The following DHRSX variants were observed in gnomAD, a reference collection of about 807,000 sequenced individuals.
DHRSX encodes polyprenol dehydrogenase.
A neutral mutation model predicts 34.0 loss-of-function variants in DHRSX; 31 were observed. The ratio of observed to expected loss-of-function variants is 0.91; its 90% CI spans 0.69 to 1.23. DHRSX has a LOEUF of 1.23. DHRSX is among the 50% of genes most tolerant of loss of function. The probability of loss-of-function intolerance (pLI) is 0.00; values close to 1 mark genes in which losing one functional copy is unlikely to be tolerated. For synonymous variants in DHRSX, 201 were observed against 183.8 expected (o/e 1.09, Z -0.76); for missense variants, 414 against 428.1 (o/e 0.97, Z 0.29).
chrX:2,239,664 G>A (rs1410897182), intron 6 of DHRSX, among the ~76,000 whole-genome samples: 1 of 152,122 alleles, frequency 6.6e-6, no homozygotes, highest in Non-Finnish European at 1.5e-5. Flanking sequence ...ATTTACTCGG[G>A]AGGCTGAGGC....
At chrX:2,469,304 A>G (rs1004451914) in intron 1 of DHRSX, among the ~76,000 whole-genome samples, 50 of 151,302 alleles carry the variant, frequency 3.3e-4, no homozygotes, top group African/African-American at 1.2e-3. Context: ...GACATTCCCT[A>G]AGAATGTGGA....
intron 3 of DHRSX, among the ~76,000 whole-genome samples, chrX:2,353,334 A>C (rs1483904846): frequency 1.3e-5 from 2 of 151,090 alleles, no homozygotes; most frequent in Admixed American, 6.6e-5. Flanking sequence ...TCCAAAGGGG[A>C]GTGGGGAACT....
chrX:2,229,463 G>A (rs1009604006), intron 6 of DHRSX, among the ~76,000 whole-genome samples: 4 of 152,026 alleles, frequency 2.6e-5, no homozygotes, highest in Non-Finnish European at 5.9e-5. Flanking sequence ...TGTACCTGCT[G>A]CTTGCTCCTT....
At chrX:2,388,296 G>A (rs2043295289) in intron 3 of DHRSX, among the ~76,000 whole-genome samples, 1 of 152,120 alleles carries the variant, frequency 6.6e-6, no homozygotes, top group South Asian at 2.1e-4. Context: ...CATACATTGA[G>A]ATCCTCACCC....
intron 3 of DHRSX, among the ~76,000 whole-genome samples, chrX:2,312,893 C>T (rs189641375): frequency 6.6e-6 from 1 of 152,230 alleles, no homozygotes; most frequent in East Asian, 1.9e-4. Flanking sequence ...TTACTGCTGA[C>T]CGCAAGTCTT....
rs2015494216 is a variant in DHRSX at position 2,220,326 on chromosome X, T to C, written c.*715A>G. On this transcript the variant is annotated 3_prime_UTR_variant, in exon 7 of 7. Coordinates refer to ENST00000334651, the MANE Select transcript of DHRSX (RefSeq NM_145177.3). ...TGATCCATAATGACCCATCTCAAAA[T>C]TCTTAATTCTATCTGCAAAGATTCT... is the stretch of plus-strand genomic sequence containing the variant. The C allele has an allele frequency of 6.6e-6, 1 of 152,202 alleles. No individual in the cohort carries two copies. The highest frequency in any genetic ancestry group is 1.5e-5 in the Non-Finnish European group (1 of 68,064). The allele number at this position is 152,202 out of a possible 1,614,324, so 9.4% of individuals were successfully genotyped here. A position where few individuals can be genotyped will look rare whatever the true frequency, so the allele number is the denominator to read the frequency against.
chrX:2,389,646 G>C (rs1321949954), intron 3 of DHRSX, among the ~76,000 whole-genome samples: 1 of 152,128 alleles, frequency 6.6e-6, no homozygotes, highest in East Asian at 1.9e-4. Flanking sequence ...AGCTGCACAA[G>C]GATGCTCCAG....
chrX:2,355,335 G>C (rs976530103), intron 3 of DHRSX, among the ~76,000 whole-genome samples: 17 of 151,862 alleles, frequency 1.1e-4, no homozygotes, highest in Admixed American at 3.3e-4. Context: ...AACATAGTGA[G>C]AGCCTGTTTC....
At position 2,220,975 on chromosome X, in the gene DHRSX, C is replaced by G. The variant is rs1197110150; in HGVS notation, c.*66G>C. The G allele has an allele frequency of 2.0e-6, 3 of 1,534,566 alleles. No homozygotes were observed. Among genetic ancestry groups the G allele is most frequent in the Non-Finnish European group, 2.7e-6 (3 of 1,123,236 alleles). On this transcript the variant is annotated 3_prime_UTR_variant, in exon 7 of 7. Transcript: ENST00000334651. Reference sequence around the variant, plus strand: ...AGAAACTCAAACACCGCAGTCTTCACAGACCCACAAGCTATTGGCAGGTGC... The same window carrying G: ...AGAAACTCAAACACCGCAGTCTTCAGAGACCCACAAGCTATTGGCAGGTGC...
intron 1 of DHRSX, among the ~76,000 whole-genome samples, chrX:2,477,097 G>T (rs1163198795): frequency 6.6e-6 from 1 of 152,192 alleles, no homozygotes; most frequent in Non-Finnish European, 1.5e-5. Flanking sequence ...TTAGGGTAGT[G>T]TCTTAGGAAA....
intron 3 of DHRSX, among the ~76,000 whole-genome samples, chrX:2,326,352 G>C (rs749373903): frequency 2.6e-5 from 4 of 152,050 alleles, no homozygotes; most frequent in African/African-American, 9.6e-5. Flanking sequence ...GTGAAACCCC[G>C]TCTCTACTAA....
chrX:2,313,569 A>G (rs1271488008), intron 3 of DHRSX, among the ~76,000 whole-genome samples: 1 of 151,990 alleles, frequency 6.6e-6, no homozygotes, highest in East Asian at 1.9e-4. Flanking sequence ...GGGTTTCACC[A>G]TGTTGGCCAG....
intron 3 of DHRSX, among the ~76,000 whole-genome samples, chrX:2,299,204 C>T (rs1453920442): frequency 6.6e-6 from 1 of 152,000 alleles, no homozygotes; most frequent in African/African-American, 2.4e-5. Flanking sequence ...TAAAAATTAT[C>T]GAGAGAAGAT....
chrX:2,353,251 GAA>G (rs1004645898), intron 3 of DHRSX, among the ~76,000 whole-genome samples: 115 of 152,030 alleles, frequency 7.6e-4, no homozygotes, highest in African/African-American at 2.7e-3. Context: ...CTCAAAAAAA[GAA>G]AAAGCGTCCA....
At chrX:2,295,982 T>G (rs900862459) in intron 3 of DHRSX, among the ~76,000 whole-genome samples, 1 of 152,144 alleles carries the variant, frequency 6.6e-6, no homozygotes, top group African/African-American at 2.4e-5. Context: ...CGCCGAGAGA[T>G]GCTTGTGTGC....
chrX:2,348,852 C>G (rs962112422), intron 3 of DHRSX, among the ~76,000 whole-genome samples: 1 of 152,084 alleles, frequency 6.6e-6, no homozygotes, highest in African/African-American at 2.4e-5. Context: ...CACGACCACA[C>G]TCAGCTAATT....
In DHRSX at chrX:2,274,021, G is replaced by A. The variant is rs1602850391; in HGVS notation, c.389-7074C>T. Among the ~76,000 whole-genome samples, 4 of 152,202 alleles carry A rather than the reference G, an allele frequency of 2.6e-5. 1 individual carries two copies. The highest frequency in any genetic ancestry group is 2.6e-4 in the Admixed American group (4 of 15,288). On this transcript the variant is annotated intron_variant, in intron 4 of 6. Transcript: ENST00000334651. ...TTAGTGAGCTACTGCGAGTAATTACGTTTATTCCTATTTTATTATTATTAT... is the reference window on the plus strand; with the variant it reads ...TTAGTGAGCTACTGCGAGTAATTACATTTATTCCTATTTTATTATTATTAT...
chrX:2,437,051 G>A (rs1373590218), intron 1 of DHRSX, among the ~76,000 whole-genome samples: 15 of 152,056 alleles, frequency 9.9e-5, no homozygotes, highest in Admixed American at 8.5e-4. Flanking sequence ...AGGCTGGAGT[G>A]CAGTGGTGCA....
chrX:2,490,771 T>G, intron 1 of DHRSX: 1 of 1,575,356 alleles, frequency 6.3e-7, no homozygotes, highest in Non-Finnish European at 8.6e-7. Context: ...CGTGGGGACC[T>G]GCTGAGAAGG....
Sources: gnomAD v4.1 joint callset for allele counts (sites outside exome capture counted in the v4.1 genomes callset) on GRCh38, gnomAD v4.1.1 for gene constraint, MANE v1.5 for transcripts, NCBI Gene and HGNC (gene_info 2026-07-23, HGNC 2026-07-21) for gene names.